Variants in ZFAT observed in about 807,000 individuals in gnomAD.
ZFAT encodes zinc finger and AT-hook domain containing.
ZFAT carries 64 observed loss-of-function variants against 117.7 expected under a neutral mutation model. The ratio of observed to expected loss-of-function variants is 0.54; its 90% CI spans 0.44 to 0.67. The LOEUF is 0.67. ZFAT is among the 30% of genes least tolerant of loss of function. The probability of loss-of-function intolerance (pLI) is 0.00; values close to 1 mark genes in which losing one functional copy is unlikely to be tolerated. For missense variants in ZFAT, 1,433 were observed against 1,584.5 expected, an observed-to-expected ratio of 0.90 and a Z score of 1.62; for synonymous variants, 679 against 615.0, an observed-to-expected ratio of 1.10 and a Z score of -1.54.
At chr8:134,487,369 T>C (rs942961587) in intron 15 of ZFAT, among the ~76,000 whole-genome samples, 1 of 152,228 alleles carries the variant, frequency 6.6e-6, no homozygotes, top group Admixed American at 6.5e-5. Flanking sequence ...CTATACCTCC[T>C]GTAATTCTCA....
chr8:134,702,148 C>T (rs1229205766), intron 1 of ZFAT, among the ~76,000 whole-genome samples: 2 of 152,190 alleles, frequency 1.3e-5, no homozygotes, highest in Non-Finnish European at 2.9e-5. Flanking sequence ...CAGATGCAGC[C>T]CCTTGACCTT....
upstream of ZFAT, among the ~76,000 whole-genome samples, chr8:134,716,084 G>A (rs1814207894): frequency 6.6e-6 from 1 of 151,556 alleles, no homozygotes; most frequent in South Asian, 2.1e-4. Flanking sequence ...CTGTGATCAT[G>A]CCACTGCACT....
intron 15 of ZFAT, among the ~76,000 whole-genome samples, chr8:134,493,138 G>A (rs1455300755): frequency 1.3e-5 from 2 of 152,210 alleles, no homozygotes; most frequent in Non-Finnish European, 2.9e-5. Context: ...AGCCTAAGCT[G>A]TAAAGGCCAC....
At chr8:134,749,236 T>C in the ZFAT span, among the ~76,000 whole-genome samples, 1 of 152,254 alleles carries the variant, frequency 6.6e-6, no homozygotes, top group Non-Finnish European at 1.5e-5. Flanking sequence ...TATTCTCTTA[T>C]ACTACCTTCA....
intron 1 of ZFAT, among the ~76,000 whole-genome samples, chr8:134,712,434 G>A (rs371308534): frequency 1.3e-5 from 2 of 151,016 alleles, no homozygotes; most frequent in African/African-American, 2.4e-5. Flanking sequence ...CCTGCAGGAG[G>A]TACTCATTTC....
intron 15 of ZFAT, among the ~76,000 whole-genome samples, chr8:134,484,032 C>T (rs1271061396): frequency 6.6e-6 from 1 of 152,174 alleles, no homozygotes; most frequent in African/African-American, 2.4e-5. Context: ...TTCGTAAAAC[C>T]CATTCCTCTC....
At chr8:134,651,671 G>A (rs1419212890) in intron 2 of ZFAT, among the ~76,000 whole-genome samples, 1 of 152,120 alleles carries the variant, frequency 6.6e-6, no homozygotes, top group East Asian at 1.9e-4. Context: ...AAGGTATAGA[G>A]AAGGACTAGC....
the ZFAT span, among the ~76,000 whole-genome samples, chr8:134,811,250 G>A: frequency 2.0e-5 from 3 of 152,104 alleles, no homozygotes; most frequent in Non-Finnish European, 4.4e-5. Context: ...TAAGATTATC[G>A]TTTTTATACT....
intron 3 of ZFAT, among the ~76,000 whole-genome samples, chr8:134,623,947 G>A (rs777626928): frequency 1.3e-5 from 2 of 151,996 alleles, no homozygotes; most frequent in Non-Finnish European, 2.9e-5. Context: ...CCCACCAGCT[G>A]TTCCCCACAC....
chr8:134,509,673 AGTGGC>A lies in ZFAT; in HGVS notation c.3433_3437del (p.Ala1145CysfsTer17). 1 of 1,613,360 alleles carries A rather than the reference AGTGGC, an allele frequency of 6.2e-7. No individual in the cohort carries two copies. The highest frequency in any genetic ancestry group is 8.5e-7 in the Non-Finnish European group (1 of 1,179,772). On this transcript the variant is annotated frameshift_variant, in exon 15 of 16. Coordinates refer to ENST00000377838, the MANE Select transcript of ZFAT (RefSeq NM_020863.4). LOFTEE classifies it high-confidence loss of function. ...CCATGGCAACCACCGAGGCAAGGGC[AGTGGC>A]GTCATGGGTCTCGGCGCCCAGCTCA...
the ZFAT span, among the ~76,000 whole-genome samples, chr8:134,755,817 C>CAAAAAAAAAAAAAAAAAAA: frequency 4.4e-5 from 4 of 90,010 alleles, no homozygotes; most frequent in East Asian, 3.3e-4. Flanking sequence ...GACTCCATCT[C>CAAAAAAAAAAAAAAAAAAA]AAAAAAAAAA....
chr8:134,677,644 T>TA (rs756539691), intron 1 of ZFAT, among the ~76,000 whole-genome samples: 27 of 150,736 alleles, frequency 1.8e-4, no homozygotes, highest in Non-Finnish European at 3.6e-4. Flanking sequence ...AAATAAAAAA[T>TA]AAAAAAATAA....
the ZFAT span, among the ~76,000 whole-genome samples, chr8:134,746,072 C>T: frequency 6.6e-6 from 1 of 152,190 alleles, no homozygotes; most frequent in Non-Finnish European, 1.5e-5. Context: ...GAGTGTAAAA[C>T]TTCTTTAATT....
chr8:134,641,576 C>T (rs184475529), intron 2 of ZFAT, among the ~76,000 whole-genome samples: 212 of 152,320 alleles, frequency 1.4e-3, no homozygotes, highest in Middle Eastern at 6.8e-3. Flanking sequence ...CCACACCACT[C>T]CCTGATTGTT....
chr8:134,795,419 A>G, the ZFAT span: 2 of 152,192 alleles, frequency 1.3e-5, no homozygotes. Context: ...CCCATCATAT[A>G]TAATCATGGT....
At chr8:134,644,554 ACT>A (rs1322713496) in intron 2 of ZFAT, among the ~76,000 whole-genome samples, 1 of 152,066 alleles carries the variant, frequency 6.6e-6, no homozygotes, top group Admixed American at 6.6e-5. Flanking sequence ...ACACATGCAC[ACT>A]CACACACGTA....
chr8:134,590,420 C>A (rs1311740469), intron 7 of ZFAT, 65 bp from the exon 8 acceptor site: 2 of 1,351,096 alleles, frequency 1.5e-6, no homozygotes, highest in Middle Eastern at 1.9e-4. Flanking sequence ...TAAAAAATAA[C>A]CATCATCATC....
intron 10 of ZFAT, among the ~76,000 whole-genome samples, chr8:134,583,477 T>A (rs1250375317): frequency 2.0e-5 from 3 of 152,140 alleles, no homozygotes; most frequent in African/African-American, 7.2e-5. Context: ...AGGTTGCCCC[T>A]CAAGATCCTT....
the ZFAT span, among the ~76,000 whole-genome samples, chr8:134,769,476 G>T: frequency 6.6e-6 from 1 of 152,206 alleles, no homozygotes. Flanking sequence ...GGGTTTCCAT[G>T]GTCTTGGGCA....
Sources: allele counts gnomAD v4.1 joint callset (sites outside exome capture counted in the v4.1 genomes callset), GRCh38; gene constraint gnomAD v4.1.1; transcripts MANE v1.5; gene names NCBI Gene and HGNC (gene_info 2026-07-23, HGNC 2026-07-21).